MLLT3: variants seen among roughly 807,000 people sequenced by gnomAD.
The protein encoded by MLLT3 is MLLT3 super elongation complex subunit, also known as protein AF-9.
A neutral mutation model predicts 53.2 loss-of-function variants in MLLT3; 4 were observed. That is an observed-to-expected ratio of 0.08 (90% confidence interval 0.04 to 0.17). The LOEUF (loss-of-function observed/expected upper bound fraction) is 0.17. MLLT3 is among the 10% of genes least tolerant of loss of function. MLLT3 has a pLI of 1.00. For missense variants in MLLT3, 569 were observed against 684.0 expected, an observed-to-expected ratio of 0.83 and a Z score of 1.87; for synonymous variants, 283 against 230.6, an observed-to-expected ratio of 1.23 and a Z score of -2.06.
At chr9:20,594,204 G>C (rs1370273004) in intron 2 of MLLT3, among the ~76,000 whole-genome samples, 3 of 152,064 alleles carry the variant, frequency 2.0e-5, no homozygotes, top group South Asian at 2.1e-4. Flanking sequence ...GCCTCCCAAA[G>C]TGCTGGGATT....
At chr9:20,553,308 T>C (rs1818971914) in intron 2 of MLLT3, among the ~76,000 whole-genome samples, 1 of 152,184 alleles carries the variant, frequency 6.6e-6, no homozygotes, top group African/African-American at 2.4e-5. Context: ...CAAAATACTC[T>C]AGAAGAGCTT....
chr9:20,357,018 G>A (rs1821186753), intron 8 of MLLT3, among the ~76,000 whole-genome samples: 1 of 152,150 alleles, frequency 6.6e-6, no homozygotes, highest in Admixed American at 6.5e-5. Context: ...AGAGAGCTGA[G>A]CCCTGCTGAA....
chr9:20,406,132 A>G (rs1386802907), intron 5 of MLLT3, among the ~76,000 whole-genome samples: 2 of 151,890 alleles, frequency 1.3e-5, no homozygotes, highest in Non-Finnish European at 2.9e-5. Context: ...GAAAAAAAGA[A>G]AAAAAAGCCT....
intron 4 of MLLT3, among the ~76,000 whole-genome samples, chr9:20,419,757 C>G (rs1174740712): frequency 6.6e-6 from 1 of 152,080 alleles, no homozygotes; most frequent in Non-Finnish European, 1.5e-5. Context: ...TCAAATAGCA[C>G]ATCAACCACT....
chr9:20,381,304 C>T (rs1237063275), intron 5 of MLLT3, among the ~76,000 whole-genome samples: 2 of 151,928 alleles, frequency 1.3e-5, no homozygotes, highest in Non-Finnish European at 2.9e-5. Context: ...AATTTATAGA[C>T]ATCCACATGA....
chr9:20,416,321 T>C lies in MLLT3; in HGVS notation c.421-1896A>G, dbSNP rs116296709. On this transcript the variant is annotated intron_variant, in intron 4 of 10. Transcript: ENST00000380338. Reference sequence around the variant, plus strand: ...ATCACTGTTTAATATTCAACCTATATGAAGTATTATACACATATTTTGTAA... The same window carrying C: ...ATCACTGTTTAATATTCAACCTATACGAAGTATTATACACATATTTTGTAA... Among the ~76,000 whole-genome samples, 1,005 of 152,170 alleles carry C rather than the reference T, an allele frequency of 6.6e-3. 7 individuals are homozygous for C. The highest frequency in any genetic ancestry group is 0.021 in the African/African-American group (882 of 41,568).
chr9:20,527,578 C>T (rs538955069), intron 2 of MLLT3, among the ~76,000 whole-genome samples: 1 of 152,292 alleles, frequency 6.6e-6, no homozygotes, highest in Non-Finnish European at 1.5e-5. Context: ...TGAGGTCTGC[C>T]ACTTCTAAAG....
intron 2 of MLLT3, among the ~76,000 whole-genome samples, chr9:20,467,946 C>A (rs1197725198): frequency 6.6e-6 from 1 of 152,090 alleles, no homozygotes; most frequent in African/African-American, 2.4e-5. Context: ...CAGCATTTTG[C>A]GGAAGAGGCA....
At chr9:20,572,315 T>C (rs1044520575) in intron 2 of MLLT3, among the ~76,000 whole-genome samples, 1 of 152,152 alleles carries the variant, frequency 6.6e-6, no homozygotes, top group African/African-American at 2.4e-5. Flanking sequence ...CGGTTAATAA[T>C]AATATACGGT....
intron 2 of MLLT3, among the ~76,000 whole-genome samples, chr9:20,523,212 G>A (rs754120158): frequency 7.2e-5 from 11 of 152,236 alleles, no homozygotes; most frequent in Non-Finnish European, 1.0e-4. Context: ...CCAGAATGCC[G>A]ATAACACTTC....
chr9:20,375,163 G>C (rs1821726499), intron 5 of MLLT3, among the ~76,000 whole-genome samples: 1 of 152,214 alleles, frequency 6.6e-6, no homozygotes, highest in African/African-American at 2.4e-5. Context: ...GGCAGCCCAA[G>C]CTGACTAAGA....
At chr9:20,568,912 T>C (rs1380835671) in intron 2 of MLLT3, among the ~76,000 whole-genome samples, 1 of 152,106 alleles carries the variant, frequency 6.6e-6, no homozygotes, top group African/African-American at 2.4e-5. Flanking sequence ...GGAGTAGGGA[T>C]TCCAAGAATT....
At chr9:20,385,227 A>G (rs1398576132) in intron 5 of MLLT3, among the ~76,000 whole-genome samples, 4 of 152,148 alleles carry the variant, frequency 2.6e-5, no homozygotes, top group Non-Finnish European at 5.9e-5. Flanking sequence ...AGGTATTTAT[A>G]GTATAATTAG....
intron 4 of MLLT3, among the ~76,000 whole-genome samples, chr9:20,421,797 T>C (rs1245702907): frequency 6.6e-6 from 1 of 152,096 alleles, no homozygotes; most frequent in African/African-American, 2.4e-5. Flanking sequence ...CATGTCAAAA[T>C]AGGTACTTAA....
chr9:20,510,773 T>C (rs1825515541), intron 2 of MLLT3, among the ~76,000 whole-genome samples: 1 of 151,356 alleles, frequency 6.6e-6, no homozygotes, highest in Non-Finnish European at 1.5e-5. Context: ...TAAAATGTTA[T>C]TATTTAAATT....
intron 2 of MLLT3, among the ~76,000 whole-genome samples, chr9:20,470,558 A>G (rs1290002655): frequency 6.6e-6 from 1 of 152,066 alleles, no homozygotes; most frequent in Non-Finnish European, 1.5e-5. Flanking sequence ...ACAATCAACC[A>G]GAAAGACTAC....
chr9:20,576,733 G>A (rs1199436849), intron 2 of MLLT3, among the ~76,000 whole-genome samples: 2 of 152,246 alleles, frequency 1.3e-5, no homozygotes, highest in East Asian at 3.9e-4. Flanking sequence ...CTGATATACT[G>A]CAAGCATTAC....
At position 20,345,173 on chromosome 9, in the gene MLLT3, C is replaced by G; in HGVS notation, c.*1270G>C. ...AAAAAATCCCCCCATCCCCAACCGT[C>G]TTTCACCAATACAAGAAATCCTTCT... On this transcript the variant is annotated 3_prime_UTR_variant, in exon 11 of 11. Transcript: ENST00000380338. The G allele has an allele frequency of 4.4e-6, 1 of 226,318 alleles. No individual in the cohort carries two copies. 14.0% of individuals were successfully genotyped at this position (226,318 alleles called of 1,614,324 possible).
chr9:20,458,866 A>C (rs180762395), intron 2 of MLLT3, among the ~76,000 whole-genome samples: 1 of 152,348 alleles, frequency 6.6e-6, no homozygotes, highest in Non-Finnish European at 1.5e-5. Flanking sequence ...TAAGTGACTG[A>C]AGCCAGGGAG....
Sources: allele counts gnomAD v4.1 joint callset (sites outside exome capture counted in the v4.1 genomes callset), GRCh38; gene constraint gnomAD v4.1.1; transcripts MANE v1.5; gene names NCBI Gene and HGNC (gene_info 2026-07-23, HGNC 2026-07-21).